Variants in IKZF2 observed in about 807,000 individuals in gnomAD.
The protein encoded by IKZF2 is IKAROS family zinc finger 2.
A neutral mutation model predicts 49.2 loss-of-function variants in IKZF2; 15 were observed. The observed-to-expected ratio is 0.30, with a 90% CI of 0.20 to 0.47. IKZF2 has a LOEUF of 0.47. IKZF2 is among the 20% of genes least tolerant of loss of function. The probability of loss-of-function intolerance (pLI) is 1.00; values close to 1 mark genes in which losing one functional copy is unlikely to be tolerated. For missense variants in IKZF2, 567 were observed against 664.6 expected, an observed-to-expected ratio of 0.85 and a Z score of 1.61; for synonymous variants, 227 against 221.4, an observed-to-expected ratio of 1.03 and a Z score of -0.23.
At chr2:213,008,165 G>A in intron 8 of IKZF2, 81 bp from the exon 9 acceptor site, 3 of 1,428,438 alleles carry the variant, frequency 2.1e-6, no homozygotes, top group South Asian at 3.0e-5. Context: ...AATATGAAAG[G>A]GTACGAAGTT....
intron 4 of IKZF2, among the ~76,000 whole-genome samples, chr2:213,124,240 TCG>T (rs143337769): frequency 7.6e-5 from 9 of 118,338 alleles, no homozygotes; most frequent in South Asian, 6.2e-4. Flanking sequence ...ACACATGCGC[TCG>T]CGCGCGCGCG....
intron 4 of IKZF2, among the ~76,000 whole-genome samples, chr2:213,134,957 T>C (rs185715713): frequency 6.4e-4 from 97 of 152,364 alleles, no homozygotes; most frequent in African/African-American, 2.2e-3. Context: ...TTCTTTCTTC[T>C]TGCCAGCTTT....
intron 4 of IKZF2, among the ~76,000 whole-genome samples, chr2:213,061,130 A>G (rs1002084179): frequency 4.6e-5 from 7 of 151,626 alleles, no homozygotes; most frequent in African/African-American, 1.7e-4. Flanking sequence ...AGACACTTGC[A>G]CAGATACTCT....
At chr2:213,066,727 T>C (rs570131585) in intron 4 of IKZF2, among the ~76,000 whole-genome samples, 2 of 152,090 alleles carry the variant, frequency 1.3e-5, no homozygotes, top group African/African-American at 4.8e-5. Context: ...TCTTCTTCTT[T>C]ACAATGCTCA....
chr2:213,101,772 T>C (rs1266370906), intron 4 of IKZF2, among the ~76,000 whole-genome samples: 2 of 152,190 alleles, frequency 1.3e-5, no homozygotes, highest in Non-Finnish European at 2.9e-5. Context: ...GCTTGTTCCA[T>C]GTTTGGTCCA....
intron 4 of IKZF2, among the ~76,000 whole-genome samples, chr2:213,074,721 C>T (rs1203743250): frequency 2.0e-5 from 3 of 152,152 alleles, no homozygotes; most frequent in African/African-American, 7.2e-5. Flanking sequence ...CTGTTCTGTA[C>T]TTTGGTCTTT....
chr2:213,050,228 C>A (rs968329664), intron 5 of IKZF2, among the ~76,000 whole-genome samples: 3 of 152,102 alleles, frequency 2.0e-5, no homozygotes, highest in African/African-American at 7.2e-5. Flanking sequence ...TCAATCCTTT[C>A]TTACAATGAC....
At chr2:213,124,770 A>T (rs1052378978) in intron 4 of IKZF2, among the ~76,000 whole-genome samples, 2 of 152,226 alleles carry the variant, frequency 1.3e-5, no homozygotes, top group Non-Finnish European at 2.9e-5. Context: ...TGTGTTTCCA[A>T]GGAATTCAAC....
At chr2:213,134,256 T>C (rs899408232) in intron 4 of IKZF2, among the ~76,000 whole-genome samples, 1 of 152,192 alleles carries the variant, frequency 6.6e-6, no homozygotes, top group Non-Finnish European at 1.5e-5. Context: ...TCCTTCTTCA[T>C]TGCCATCTCC....
At chr2:213,088,423 T>G (rs1704914268) in intron 4 of IKZF2, among the ~76,000 whole-genome samples, 1 of 152,172 alleles carries the variant, frequency 6.6e-6, no homozygotes, top group African/African-American at 2.4e-5. Flanking sequence ...TTAATTTATA[T>G]CCAATTTCAT....
rs576238807 is a variant in IKZF2, at chr2:213,035,327, C to T, written c.575-13197G>A. Among the ~76,000 whole-genome samples the T allele has an allele frequency of 4.3e-4, 66 of 152,144 alleles. 2 individuals are homozygous for T. In the South Asian group the frequency reaches 6.0e-3, roughly 14 times the overall value. ...TTTTAACTGATTCTTGCCCGTCTCC[C>T]CTTATTAAAATGTAAGCTCCACAAA... On this transcript the variant is annotated intron_variant, in intron 6 of 8. Coordinates refer to ENST00000434687, the MANE Select transcript of IKZF2 (RefSeq NM_001387220.1).
chr2:213,102,676 A>G (rs536752479), intron 4 of IKZF2, among the ~76,000 whole-genome samples: 2 of 150,168 alleles, frequency 1.3e-5, no homozygotes, highest in Non-Finnish European at 1.5e-5. Flanking sequence ...ATTTAAAGGA[A>G]GGGGGGGGGT....
At chr2:213,008,262 T>G (rs904842489) in intron 8 of IKZF2, among the ~76,000 whole-genome samples, 178 bp from the exon 9 acceptor site, 1 of 148,012 alleles carries the variant, frequency 6.8e-6, no homozygotes, top group East Asian at 2.0e-4. Flanking sequence ...TCACACACAT[T>G]TTTTTTTTTT....
intron 8 of IKZF2, among the ~76,000 whole-genome samples, chr2:213,010,440 C>CACA (rs1695822648): frequency 6.6e-6 from 1 of 152,022 alleles, no homozygotes; most frequent in Admixed American, 6.6e-5. Context: ...AAATGAGGAG[C>CACA]TTCTAGGGCC....
chr2:213,079,017 T>A (rs1311884777), intron 4 of IKZF2, among the ~76,000 whole-genome samples: 5 of 152,178 alleles, frequency 3.3e-5, no homozygotes, highest in Admixed American at 3.3e-4. Context: ...ATACAGCATT[T>A]GTTGTTGCTG....
Position 213,150,180 on chromosome 2 carries a change from C to A in IKZF2, c.-52G>T. The A allele has an allele frequency of 7.7e-7, 1 of 1,303,808 alleles. No individual in the cohort carries two copies. Among genetic ancestry groups the A allele is most frequent in the Non-Finnish European group, 1.0e-6 (1 of 988,272 alleles). 80.8% of individuals were successfully genotyped at this position (1,303,808 alleles called of 1,614,324 possible). ...TCCTTTGATTAAAAAAGATTCATCA[C>A]CATTTCCAGCTCTGTCGGGAGATCT... is the stretch of plus-strand genomic sequence containing the variant. On this transcript the variant is annotated 5_prime_UTR_variant, in exon 2 of 9. Transcript: ENST00000434687.
At chr2:213,130,903 T>A (rs1185803037) in intron 4 of IKZF2, among the ~76,000 whole-genome samples, 2 of 152,184 alleles carry the variant, frequency 1.3e-5, no homozygotes, top group African/African-American at 2.4e-5. Context: ...AAGAAGATGA[T>A]CTGTTACAAT....
intron 4 of IKZF2, 61 bp from the exon 5 acceptor site, chr2:213,057,160 T>C (rs1701243014): frequency 7.2e-7 from 1 of 1,395,666 alleles, no homozygotes; most frequent in Non-Finnish European, 9.8e-7. Context: ...CACCTACATC[T>C]CTTTTCTACT....
At chr2:213,083,384 C>CTT (rs753296985) in intron 4 of IKZF2, among the ~76,000 whole-genome samples, 875 of 80,004 alleles carry the variant, frequency 0.011, 13 homozygotes, top group African/African-American at 0.02. Flanking sequence ...GACGGCGAAC[C>CTT]TTTTTTTTTT....
Sources: gnomAD v4.1 joint callset for allele counts (sites outside exome capture counted in the v4.1 genomes callset) on GRCh38, gnomAD v4.1.1 for gene constraint, MANE v1.5 for transcripts, NCBI Gene and HGNC (gene_info 2026-07-23, HGNC 2026-07-21) for gene names.